The following NBAS variants were observed in gnomAD, a reference collection of about 807,000 sequenced individuals.
NBAS encodes the protein NBAS subunit of NRZ tethering complex.
NBAS carries 219 observed loss-of-function variants against 302.5 expected under a neutral mutation model. The ratio of observed to expected loss-of-function variants is 0.72; its 90% confidence interval spans 0.65 to 0.81. The LOEUF (loss-of-function observed/expected upper bound fraction) is 0.81. Ranked by LOEUF, NBAS falls within the 30% of genes least tolerant of loss-of-function variation. The pLI, the probability that NBAS is intolerant of heterozygous loss-of-function variation, is 0.00. For missense variants in NBAS, 2,932 were observed against 2,841.6 expected (o/e 1.03, Z -0.72); for synonymous variants, 1,118 against 1,021.6 (o/e 1.09, Z -1.80).
chr2:15,346,576 T>C (rs1224213020), intron 35 of NBAS, among the ~76,000 whole-genome samples: 1 of 152,172 alleles, frequency 6.6e-6, no homozygotes, highest in Non-Finnish European at 1.5e-5. Flanking sequence ...AGTTCGATGA[T>C]TGTGGAAGAC....
chr2:14,929,355 AATTT>A, the NBAS span, among the ~76,000 whole-genome samples: 1 of 149,362 alleles, frequency 6.7e-6, no homozygotes, highest in Non-Finnish European at 1.5e-5. Context: ...ATGAAATATT[AATTT>A]TTTTACAGTA....
chr2:14,989,806 G>A, the NBAS span, among the ~76,000 whole-genome samples: 1 of 152,132 alleles, frequency 6.6e-6, no homozygotes, highest in Non-Finnish European at 1.5e-5. Flanking sequence ...TATGCAAAAT[G>A]TGATGCGTAT....
At chr2:15,539,393 A>G (rs771483859) in intron 6 of NBAS, 37 bp from the exon 7 acceptor site, 8 of 1,612,944 alleles carry the variant, frequency 5.0e-6, no homozygotes, top group East Asian at 2.2e-5. Flanking sequence ...TTCTAACAAT[A>G]TATTACAAAG....
chr2:15,556,258 T>C (rs1664641681), intron 3 of NBAS, among the ~76,000 whole-genome samples: 1 of 152,204 alleles, frequency 6.6e-6, no homozygotes, highest in Non-Finnish European at 1.5e-5. Flanking sequence ...AAACAATTCC[T>C]ACACATGTAT....
chr2:14,785,531 G>C, the NBAS span, among the ~76,000 whole-genome samples: 1 of 152,074 alleles, frequency 6.6e-6, no homozygotes, highest in Non-Finnish European at 1.5e-5. Flanking sequence ...TAGCATGAAG[G>C]GCTGTTGAAT....
At position 15,534,577 on chromosome 2, in the gene NBAS, C is replaced by T; in HGVS notation, c.712G>A (p.Gly238Arg). 1 of 1,613,632 alleles carries T rather than the reference C, an allele frequency of 6.2e-7. No homozygotes were observed. The change falls in exon 9 of 52, where the codon GGA becomes AGA. Residue 238 changes from glycine (G) to arginine (R), a missense_variant. By Grantham distance (125) the Gly-to-Arg change is moderately radical (BLOSUM62 -2). Coordinates refer to ENST00000281513, the MANE Select transcript of NBAS (RefSeq NM_015909.4). ...CFSFSSHYPH[G>R]INTAIYHPGH... ...GGGTGGTAAATAGCTGTGTTGATTCCATGAGGATAATGACTACTGAAGCTG... is the reference window on the plus strand; with the variant it reads ...GGGTGGTAAATAGCTGTGTTGATTCTATGAGGATAATGACTACTGAAGCTG...
At chr2:15,295,775 G>C (rs1370855859) in intron 40 of NBAS, among the ~76,000 whole-genome samples, 1 of 152,136 alleles carries the variant, frequency 6.6e-6, no homozygotes, top group African/African-American at 2.4e-5. Context: ...CAAAGGGGGA[G>C]CAGATTGGAC....
chr2:14,969,434 T>G, the NBAS span, among the ~76,000 whole-genome samples: 1 of 152,024 alleles, frequency 6.6e-6, no homozygotes, highest in South Asian at 2.1e-4. Context: ...TGGAGTGGAG[T>G]GGTGCGATCT....
intron 44 of NBAS, among the ~76,000 whole-genome samples, chr2:15,258,054 T>A (rs975119557): frequency 2.6e-5 from 4 of 152,222 alleles, no homozygotes; most frequent in Admixed American, 2.6e-4. Flanking sequence ...AATAAATCAA[T>A]GTTGCGGGAA....
At chr2:14,952,335 G>A in the NBAS span, among the ~76,000 whole-genome samples, 1 of 152,176 alleles carries the variant, frequency 6.6e-6, no homozygotes, top group Non-Finnish European at 1.5e-5. Flanking sequence ...TTTTCTTTCT[G>A]GCAGCAGATA....
chr2:14,875,315 T>A, the NBAS span, among the ~76,000 whole-genome samples: 1 of 152,012 alleles, frequency 6.6e-6, no homozygotes, highest in Non-Finnish European at 1.5e-5. Context: ...GGATATGAAA[T>A]CAAAAGTAAA....
intron 19 of NBAS, among the ~76,000 whole-genome samples, chr2:15,462,015 G>T (rs1275902950): frequency 6.6e-6 from 1 of 152,174 alleles, no homozygotes; most frequent in Non-Finnish European, 1.5e-5. Context: ...GGAAGTAAAT[G>T]AAATAGGCAG....
chr2:15,392,686 AT>A lies in NBAS; in HGVS notation c.3257+1540del, dbSNP rs563292720. On this transcript the variant is annotated intron_variant, in intron 28 of 51. Transcript: ENST00000281513. ...TTGGAAGACTTAATATTGATTTAGGATAGCAACACTCTCCAAATTGACCTAC... is the reference window on the plus strand; with the variant it reads ...TTGGAAGACTTAATATTGATTTAGGAAGCAACACTCTCCAAATTGACCTAC... Among the ~76,000 whole-genome samples, 382 of 152,168 alleles carry A rather than the reference AT, an allele frequency of 2.5e-3. 3 individuals carry two copies. Among genetic ancestry groups the A allele is most frequent in the African/African-American group, 8.8e-3 (367 of 41,570 alleles).
At position 15,167,227 on chromosome 2, in the gene NBAS, C is replaced by G; in HGVS notation, c.6937G>C (p.Val2313Leu). ...CVSTPFYPRI[V>L]DHLLASLQQG... The stretch of plus-strand genomic sequence containing the variant: ...TGGAGGCTAGCCAAGAGGTGGTCAA[C>G]AATACGTGGATAGAAGGGAGTGGAG... The change falls in exon 52 of 52, where the codon GTT becomes CTT. Residue 2313 changes from valine to leucine, a missense_variant. Transcript: ENST00000281513. 6.2e-7 allele frequency: 1 copy of G among 1,614,234 alleles called. No individual in the cohort carries two copies. The highest frequency in any genetic ancestry group is 8.5e-7 in the Non-Finnish European group (1 of 1,180,042).
chr2:15,277,002 A>G lies in NBAS; in HGVS notation c.5238T>C (p.Tyr1746=). Residue 1746 remains tyrosine, a synonymous_variant, in exon 43 of 52, where the codon TAT becomes TAC. Transcript: ENST00000281513. ...PEAFHQHMVK[Y]IYPTIGGFDH... ...CAAAGCCACCAATAGTAGGGTAAAT[A>G]TACTTGACCATGTGCTGGTGAAAGG... 1 of 1,614,022 alleles carries G rather than the reference A, an allele frequency of 6.2e-7. No individual in the cohort carries two copies. Among genetic ancestry groups the G allele is most frequent in the Non-Finnish European group, 8.5e-7 (1 of 1,179,958 alleles).
At chr2:14,805,048 G>T in the NBAS span, among the ~76,000 whole-genome samples, 1 of 152,212 alleles carries the variant, frequency 6.6e-6, no homozygotes, top group East Asian at 1.9e-4. Context: ...CATACAATAT[G>T]CCAGGCCTTG....
At chr2:14,817,996 T>C in the NBAS span, among the ~76,000 whole-genome samples, 1 of 152,150 alleles carries the variant, frequency 6.6e-6, no homozygotes, top group Non-Finnish European at 1.5e-5. Flanking sequence ...CTCCTGATCA[T>C]ACTGTTCTTT....
chr2:15,546,503 T>C (rs1572998865), intron 6 of NBAS, among the ~76,000 whole-genome samples: 1 of 151,982 alleles, frequency 6.6e-6, no homozygotes, highest in Non-Finnish European at 1.5e-5. Context: ...CCAAGGCAGG[T>C]GGATCATTTG....
chr2:14,842,590 G>A, the NBAS span, among the ~76,000 whole-genome samples: 1 of 151,800 alleles, frequency 6.6e-6, no homozygotes, highest in Non-Finnish European at 1.5e-5. Flanking sequence ...AAAATTACTG[G>A]ACATACACAA....
Sources: gnomAD v4.1 joint callset for allele counts (sites outside exome capture counted in the v4.1 genomes callset) on GRCh38, gnomAD v4.1.1 for gene constraint, MANE v1.5 for transcripts, NCBI Gene and HGNC (gene_info 2026-07-23, HGNC 2026-07-21) for gene names.